Variants in RALYL observed in about 807,000 individuals in gnomAD.
The protein encoded by RALYL is RALY RNA binding protein like.
Under a neutral mutation model 35.1 loss-of-function variants are expected in RALYL, and 29 were observed. That is an observed-to-expected ratio of 0.83 (90% CI 0.61 to 1.13). The LOEUF is 1.13. Among genes scored for constraint, RALYL ranks in the 50% most tolerant of loss-of-function variants. The pLI, the probability that RALYL is intolerant of heterozygous loss-of-function variation, is 0.00. For synonymous variants in RALYL, 120 were observed against 127.6 expected (o/e 0.94, Z 0.40); for missense variants, 359 against 360.4 (o/e 1.00, Z 0.03).
chr8:84,191,087 C>T (rs1480730609), intron 1 of RALYL, among the ~76,000 whole-genome samples: 3 of 151,330 alleles, frequency 2.0e-5, no homozygotes, highest in African/African-American at 7.3e-5. Context: ...TTGAAATAAA[C>T]TAAATGAATG....
At chr8:84,665,710 G>T (rs1020553201) in intron 2 of RALYL, 2 of 151,624 alleles carry the variant, frequency 1.3e-5, no homozygotes, top group African/African-American at 4.8e-5. Context: ...TTCTTTATTA[G>T]CTAGCTAGAA....
At chr8:84,562,951 AG>A in intron 2 of RALYL, among the ~76,000 whole-genome samples, 1 of 152,052 alleles carries the variant, frequency 6.6e-6, no homozygotes, top group Admixed American at 6.6e-5. Context: ...CCTCTGGATG[AG>A]GGTCTGAACA....
chr8:84,636,438 G>T (rs1825075738), intron 2 of RALYL, among the ~76,000 whole-genome samples: 2 of 151,776 alleles, frequency 1.3e-5, no homozygotes, highest in East Asian at 3.9e-4. Context: ...GTCAGGAAAT[G>T]AACACATTTT....
chr8:84,719,192 A>G (rs980071455), intron 2 of RALYL, among the ~76,000 whole-genome samples: 1 of 152,196 alleles, frequency 6.6e-6, no homozygotes, highest in African/African-American at 2.4e-5. Context: ...AGATCAGGTC[A>G]CTATTTTCAT....
At chr8:84,406,045 C>A (rs1479776167) in intron 1 of RALYL, among the ~76,000 whole-genome samples, 1 of 145,392 alleles carries the variant, frequency 6.9e-6, no homozygotes, top group Non-Finnish European at 1.5e-5. Context: ...AATTCTGTAC[C>A]ATTTCATACC....
At chr8:84,906,881 C>G in intron 8 of RALYL, 1 of 859,088 alleles carries the variant, frequency 1.2e-6, no homozygotes, top group Non-Finnish European at 1.4e-6. Context: ...CACTATCAGC[C>G]TTGCCCTGCC....
chr8:84,873,054 A>G (rs1840508767), intron 6 of RALYL: 1 of 372,386 alleles, frequency 2.7e-6, no homozygotes, highest in Non-Finnish European at 4.8e-6. Flanking sequence ...ACCTTCAGTC[A>G]AAAGATTTAG....
At chr8:84,740,007 G>A (rs751514832) in intron 2 of RALYL, among the ~76,000 whole-genome samples, 10 of 151,780 alleles carry the variant, frequency 6.6e-5, no homozygotes, top group Non-Finnish European at 1.2e-4. Flanking sequence ...ATTAGAGAGT[G>A]GTTCCAAGGT....
chr8:84,861,504 G>T (rs1047781371), intron 5 of RALYL, among the ~76,000 whole-genome samples: 1 of 152,004 alleles, frequency 6.6e-6, no homozygotes, highest in South Asian at 2.1e-4. Context: ...TCACTTTTCC[G>T]CAAAGGTTTT....
chr8:84,699,294 T>G (rs1345420825), intron 2 of RALYL, among the ~76,000 whole-genome samples: 2 of 152,092 alleles, frequency 1.3e-5, no homozygotes, highest in Non-Finnish European at 2.9e-5. Flanking sequence ...TGAGGAAGTA[T>G]TTTTTATAAG....
intron 2 of RALYL, among the ~76,000 whole-genome samples, chr8:84,688,625 GA>G (rs1272855255): frequency 1.3e-5 from 2 of 151,824 alleles, no homozygotes; most frequent in Non-Finnish European, 1.5e-5. Flanking sequence ...AAAACTAGTA[GA>G]AAAAAACATA....
At chr8:84,734,117 C>T (rs1184300786) in intron 2 of RALYL, among the ~76,000 whole-genome samples, 1 of 152,134 alleles carries the variant, frequency 6.6e-6, no homozygotes, top group Non-Finnish European at 1.5e-5. Flanking sequence ...GAAAACCCTG[C>T]ATAGTCTATT....
chr8:84,306,631 G>T (rs1841867705), intron 1 of RALYL, among the ~76,000 whole-genome samples: 1 of 152,088 alleles, frequency 6.6e-6, no homozygotes, highest in Admixed American at 6.6e-5. Flanking sequence ...CAAATGTTGG[G>T]CCCCCTTGTC....
intron 1 of RALYL, among the ~76,000 whole-genome samples, chr8:84,363,717 G>T (rs1853591952): frequency 6.6e-6 from 1 of 152,232 alleles, no homozygotes; most frequent in African/African-American, 2.4e-5. Flanking sequence ...AATAAGGAAG[G>T]CATCCCAGGA....
intron 2 of RALYL, among the ~76,000 whole-genome samples, chr8:84,652,383 G>A (rs531062952): frequency 9.9e-5 from 15 of 152,096 alleles, no homozygotes; most frequent in African/African-American, 3.6e-4. Flanking sequence ...TATGCCACAG[G>A]ATGTTCAGAA....
rs972055051 is a variant in RALYL, at chr8:84,350,452, G to A, written c.-24+166028G>A. Among the ~76,000 whole-genome samples, 6 of 150,322 alleles carry A rather than the reference G, an allele frequency of 4.0e-5. 1 individual carries two copies. Among genetic ancestry groups the A allele is most frequent in the African/African-American group, 1.5e-4 (6 of 40,444 alleles). ...TGCTTTATTTTTCTTGTTTTATAAT[G>A]TTCATTTGAAATCTGTATTGTCCCT... On this transcript the variant is annotated intron_variant, in intron 1 of 8. Coordinates refer to ENST00000521268, the MANE Select transcript of RALYL (RefSeq NM_173848.7).
At chr8:84,814,793 A>G (rs1167570094) in intron 4 of RALYL, among the ~76,000 whole-genome samples, 2 of 152,162 alleles carry the variant, frequency 1.3e-5, no homozygotes, top group Non-Finnish European at 2.9e-5. Context: ...TTCTAAAATA[A>G]TGTCATTGAG....
chr8:84,257,685 A>G (rs1020337249), intron 1 of RALYL, among the ~76,000 whole-genome samples: 6 of 152,158 alleles, frequency 3.9e-5, no homozygotes, highest in African/African-American at 1.4e-4. Flanking sequence ...GTTAGGCAAC[A>G]GACACTTGTC....
intron 1 of RALYL, among the ~76,000 whole-genome samples, chr8:84,428,752 T>C (rs943046074): frequency 1.3e-5 from 2 of 152,142 alleles, no homozygotes; most frequent in African/African-American, 4.8e-5. Flanking sequence ...AAAACATATA[T>C]AGGGTGAAGT....
Sources: gnomAD v4.1 joint callset for allele counts (sites outside exome capture counted in the v4.1 genomes callset) on GRCh38, gnomAD v4.1.1 for gene constraint, MANE v1.5 for transcripts, NCBI Gene and HGNC (gene_info 2026-07-23, HGNC 2026-07-21) for gene names.